The following CNTNAP2 variants were observed in gnomAD, a reference collection of about 807,000 sequenced individuals.
The protein encoded by CNTNAP2 is contactin-associated protein-like 2.
Under a neutral mutation model 155.2 loss-of-function variants are expected in CNTNAP2, and 98 were observed. That is an observed-to-expected ratio of 0.63 (90% confidence interval 0.54 to 0.75). The LOEUF (loss-of-function observed/expected upper bound fraction) is 0.75, where lower values mean the gene tolerates loss of function less well. Ranked by LOEUF, CNTNAP2 falls within the 30% of genes least tolerant of loss-of-function variation. The probability of loss-of-function intolerance (pLI) is 0.00; values close to 1 mark genes in which losing one functional copy is unlikely to be tolerated. For synonymous variants in CNTNAP2, 651 were observed against 631.2 expected (o/e 1.03, Z -0.47); for missense variants, 1,727 against 1,688.1 (o/e 1.02, Z -0.40).
intron 15 of CNTNAP2, among the ~76,000 whole-genome samples, chr7:147,987,500 G>A (rs575081747): frequency 6.6e-6 from 1 of 152,270 alleles, no homozygotes; most frequent in Admixed American, 6.5e-5. Context: ...ATGAGCTGAT[G>A]CCAGACTTGG....
rs201440156 is a variant in CNTNAP2 at position 147,306,201 on chromosome 7, CT to C, written c.1498+5912del. ...TATAAATGCTTTATTTTACAACCCC[CT>C]CTAATGAAAAATTAGCAGACTTCCT... On this transcript the variant is annotated intron_variant, in intron 9 of 23. Coordinates refer to ENST00000361727, the MANE Select transcript of CNTNAP2 (RefSeq NM_014141.6). Among the ~76,000 whole-genome samples the C allele has an allele frequency of 7.2e-3, 1,101 of 152,278 alleles. 14 individuals carry two copies. Among genetic ancestry groups the C allele is most frequent in the African/African-American group, 0.025 (1,047 of 41,552 alleles).
At chr7:148,077,129 G>A (rs1197968215) in intron 15 of CNTNAP2, among the ~76,000 whole-genome samples, 1 of 152,064 alleles carries the variant, frequency 6.6e-6, no homozygotes, top group Non-Finnish European at 1.5e-5. Flanking sequence ...CCAACATGGA[G>A]AAACCCCTTC....
At chr7:147,229,451 AC>A (rs1803628015) in intron 8 of CNTNAP2, among the ~76,000 whole-genome samples, 2 of 150,508 alleles carry the variant, frequency 1.3e-5, no homozygotes, top group South Asian at 4.2e-4. Flanking sequence ...CTCTGACCTG[AC>A]AAAAAGAAAG....
intron 13 of CNTNAP2, among the ~76,000 whole-genome samples, chr7:147,892,134 C>T (rs180904290): frequency 6.6e-6 from 1 of 152,140 alleles, no homozygotes; most frequent in Admixed American, 6.5e-5. Flanking sequence ...AAATAGCTTC[C>T]TTAAACATAA....
chr7:146,370,327 A>G (rs1336072623), intron 1 of CNTNAP2, among the ~76,000 whole-genome samples: 8 of 150,554 alleles, frequency 5.3e-5, no homozygotes, highest in Non-Finnish European at 1.0e-4. Flanking sequence ...AATCCCAGCT[A>G]CTTGGGAGGC....
intron 8 of CNTNAP2, among the ~76,000 whole-genome samples, chr7:147,166,367 A>G (rs1254571146): frequency 6.6e-6 from 1 of 152,054 alleles, no homozygotes; most frequent in Non-Finnish European, 1.5e-5. Context: ...TAAGAATGAT[A>G]CAATGGACTT....
intron 13 of CNTNAP2, among the ~76,000 whole-genome samples, chr7:147,902,353 T>A (rs1799883518): frequency 6.6e-6 from 1 of 152,182 alleles, no homozygotes; most frequent in Admixed American, 6.5e-5. Flanking sequence ...TTTTGAAAAC[T>A]CGTCTAAGCT....
At chr7:146,379,063 A>C (rs1468485929) in intron 1 of CNTNAP2, among the ~76,000 whole-genome samples, 1 of 152,186 alleles carries the variant, frequency 6.6e-6, no homozygotes, top group Non-Finnish European at 1.5e-5. Context: ...TGCATCCCAC[A>C]AGGCACAGTG....
chr7:147,831,537 G>A (rs1798544552), intron 13 of CNTNAP2, among the ~76,000 whole-genome samples: 1 of 152,196 alleles, frequency 6.6e-6, no homozygotes, highest in Non-Finnish European at 1.5e-5. Context: ...AGAACAACGT[G>A]TAAGACACAT....
At chr7:147,788,135 G>T (rs1797765392) in intron 13 of CNTNAP2, among the ~76,000 whole-genome samples, 1 of 152,086 alleles carries the variant, frequency 6.6e-6, no homozygotes, top group Admixed American at 6.6e-5. Flanking sequence ...TGTTATTTGT[G>T]CAGAATCTTG....
At chr7:147,533,554 C>G (rs527680495) in intron 11 of CNTNAP2, among the ~76,000 whole-genome samples, 1 of 151,254 alleles carries the variant, frequency 6.6e-6, no homozygotes, top group East Asian at 1.9e-4. Flanking sequence ...GGTCAAAATG[C>G]AGGTAACATT....
intron 18 of CNTNAP2, among the ~76,000 whole-genome samples, chr7:148,213,754 TC>T (rs533523355): frequency 5.4e-4 from 82 of 151,654 alleles, no homozygotes; most frequent in Non-Finnish European, 1.0e-3. Flanking sequence ...TCCTCCTCCC[TC>T]CCCTGTCCTC....
rs1799061083 is a variant in CNTNAP2, at chr7:147,032,780, A to G, written c.403-11127A>G. Among the ~76,000 whole-genome samples, 7 of 151,938 alleles carry G rather than the reference A, an allele frequency of 4.6e-5. 1 individual carries two copies. The South Asian group carries it at 1.4e-3, about 31-fold the overall frequency. Reference sequence around the variant, plus strand: ...AAGAAGAGGGAGTCAGAGAGTAAGAAAAGAATTGATGGTTCTTCTGCCAGT... The same window carrying G: ...AAGAAGAGGGAGTCAGAGAGTAAGAGAAGAATTGATGGTTCTTCTGCCAGT... On this transcript the variant is annotated intron_variant, in intron 3 of 23. Transcript: ENST00000361727.
rs1042886238 is a variant in CNTNAP2, at chr7:146,875,229, G to A, written c.402+35325G>A. ...CATATTTTCATGAGAAGCTGAATTT[G>A]GTTCTCTACACAAACTTATAACTGA... is the stretch of plus-strand genomic sequence containing the variant. On this transcript the variant is annotated intron_variant, in intron 3 of 23. Transcript: ENST00000361727. Among the ~76,000 whole-genome samples the A allele has an allele frequency of 2.6e-5, 4 of 151,986 alleles. No homozygotes were observed. The East Asian group carries it at 5.8e-4, about 22-fold the overall frequency.
chr7:147,223,593 C>T (rs1194957205), intron 8 of CNTNAP2, among the ~76,000 whole-genome samples: 1 of 152,166 alleles, frequency 6.6e-6, no homozygotes. Context: ...GTGGGATATT[C>T]TAGCCAGTTA....
intron 17 of CNTNAP2, among the ~76,000 whole-genome samples, chr7:148,169,248 TC>T (rs1329866451): frequency 6.6e-6 from 1 of 152,196 alleles, no homozygotes; most frequent in Non-Finnish European, 1.5e-5. Context: ...AAACAGTGAA[TC>T]CTTTTTGCCC....
chr7:146,524,473 T>C (rs988822529), intron 1 of CNTNAP2, among the ~76,000 whole-genome samples: 2 of 152,140 alleles, frequency 1.3e-5, no homozygotes, highest in Non-Finnish European at 1.5e-5. Flanking sequence ...TTTTCTTTCA[T>C]GTCCTAGAAG....
chr7:147,629,232 T>A (rs959459310), intron 12 of CNTNAP2, among the ~76,000 whole-genome samples: 1 of 151,868 alleles, frequency 6.6e-6, no homozygotes, highest in Admixed American at 6.6e-5. Context: ...TAAAACCCTG[T>A]CTTTACTAAA....
At chr7:147,013,008 G>T (rs1016912075) in intron 3 of CNTNAP2, among the ~76,000 whole-genome samples, 13 of 152,098 alleles carry the variant, frequency 8.5e-5, no homozygotes, top group African/African-American at 2.9e-4. Context: ...ATTTACCAAA[G>T]TTCTTTTAAA....
Sources: allele counts gnomAD v4.1 joint callset (sites outside exome capture counted in the v4.1 genomes callset), GRCh38; gene constraint gnomAD v4.1.1; transcripts MANE v1.5; gene names NCBI Gene and HGNC (gene_info 2026-07-23, HGNC 2026-07-21).